MDFIC2: variants seen among roughly 807,000 people sequenced by gnomAD.
MDFIC2 encodes the protein MyoD family inhibitor domain containing 2, also known as myoD family inhibitor domain-containing protein 2.
intron 2 of MDFIC2, among the ~76,000 whole-genome samples, chr3:70,278,851 A>C (rs540058431): frequency 6.6e-6 from 1 of 152,070 alleles, no homozygotes; most frequent in East Asian, 1.9e-4. Flanking sequence ...CTCAAATCAA[A>C]GGGTTGTTGT....
At chr3:70,266,612 T>TTTA in intron 2 of MDFIC2, among the ~76,000 whole-genome samples, 1 of 152,056 alleles carries the variant, frequency 6.6e-6, no homozygotes, top group Non-Finnish European at 1.5e-5. Flanking sequence ...TTTTAATTTT[T>TTTA]TTATTTTTAT....
intron 2 of MDFIC2, among the ~76,000 whole-genome samples, chr3:70,275,468 T>G (rs1166810317): frequency 1.3e-5 from 2 of 152,176 alleles, no homozygotes; most frequent in African/African-American, 2.4e-5. Flanking sequence ...TGAGCAGTGA[T>G]CATGCCACTG....
rs1491108341 is a variant in MDFIC2 at position 70,250,409 on chromosome 3, T to TCACA, written c.89-43620_89-43619insTGTG. On this transcript the variant is annotated intron_variant, in intron 2 of 3. Transcript: ENST00000567252. ...TATTCGGTATTTTTCTTTTAATGAA[T>TCACA]CTCACACACACACACACACACACAC... 2.1e-3 allele frequency among the ~76,000 whole-genome samples: 261 copies of TCACA among 126,344 alleles called. 1 individual carries two copies. Among genetic ancestry groups the TCACA allele is most frequent in the African/African-American group, 6.1e-3 (200 of 32,578 alleles). The allele number at this position is 126,344 out of a possible 152,430, so 82.9% of individuals were successfully genotyped here. A position where few individuals can be genotyped will look rare whatever the true frequency, so the allele number is the denominator to read the frequency against.
intron 2 of MDFIC2, among the ~76,000 whole-genome samples, chr3:70,242,809 A>G (rs1701675332): frequency 6.6e-6 from 1 of 152,122 alleles, no homozygotes; most frequent in South Asian, 2.1e-4. Flanking sequence ...AGCATTGGTA[A>G]TCTAATTTTT....
chr3:70,222,572 G>T (rs928351677), intron 2 of MDFIC2, among the ~76,000 whole-genome samples: 1 of 152,102 alleles, frequency 6.6e-6, no homozygotes, highest in African/African-American at 2.4e-5. Context: ...AATTTGAAGA[G>T]ACTCAAAAGG....
chr3:70,302,668 T>C (rs978425760), intron 2 of MDFIC2: 2 of 152,176 alleles, frequency 1.3e-5, no homozygotes, highest in African/African-American at 2.4e-5. Flanking sequence ...TGTTACTTCA[T>C]AAAACTGCAA....
At chr3:70,256,121 A>G (rs895098226) in intron 2 of MDFIC2, among the ~76,000 whole-genome samples, 1 of 152,226 alleles carries the variant, frequency 6.6e-6, no homozygotes, top group Non-Finnish European at 1.5e-5. Flanking sequence ...ACAAGGTCAA[A>G]TGATTTTATC....
intron 3 of MDFIC2, chr3:70,205,561 T>G (rs1341410833): frequency 2.6e-5 from 4 of 151,874 alleles, no homozygotes; most frequent in African/African-American, 9.7e-5. Flanking sequence ...TATTTTTTTT[T>G]GATCCCCAAC....
chr3:70,258,445 T>G (rs867773426), intron 2 of MDFIC2, among the ~76,000 whole-genome samples: 1 of 151,674 alleles, frequency 6.6e-6, no homozygotes, highest in African/African-American at 2.4e-5. Context: ...GAGAGAGAGA[T>G]TTACTTACAT....
chr3:70,292,045 G>T (rs1037734321), intron 2 of MDFIC2: 2 of 152,080 alleles, frequency 1.3e-5, no homozygotes, highest in Non-Finnish European at 2.9e-5. Context: ...CCTTCAAGAA[G>T]GTAAACATGA....
At chr3:70,228,741 CTT>C (rs74503205) in intron 2 of MDFIC2, among the ~76,000 whole-genome samples, 6 of 133,432 alleles carry the variant, frequency 4.5e-5, no homozygotes, top group Admixed American at 7.6e-5. Context: ...TTTCATGAAT[CTT>C]TTTTTTTTTT....
At chr3:70,306,091 A>G (rs968469772) in intron 2 of MDFIC2, among the ~76,000 whole-genome samples, 9 of 152,126 alleles carry the variant, frequency 5.9e-5, no homozygotes, top group Admixed American at 5.9e-4. Flanking sequence ...ATTCACCTAA[A>G]TAATGGAGTT....
intron 2 of MDFIC2, among the ~76,000 whole-genome samples, chr3:70,243,623 G>A (rs533204037): frequency 1.1e-4 from 17 of 152,258 alleles, no homozygotes; most frequent in Admixed American, 2.6e-4. Context: ...ATTCTGGGTT[G>A]GGTGGCAGCG....
At chr3:70,245,692 T>C (rs1043625310) in intron 2 of MDFIC2, among the ~76,000 whole-genome samples, 4 of 135,766 alleles carry the variant, frequency 2.9e-5, no homozygotes, top group African/African-American at 5.3e-5. Context: ...TATATATATA[T>C]ATATATATAT....
intron 2 of MDFIC2, among the ~76,000 whole-genome samples, chr3:70,301,895 C>T (rs1007775867): frequency 3.9e-5 from 6 of 151,930 alleles, no homozygotes; most frequent in East Asian, 3.9e-4. Context: ...ATATTTGATA[C>T]GTGAAAGAGG....
chr3:70,235,043 A>T (rs1559541430), intron 2 of MDFIC2, among the ~76,000 whole-genome samples: 1 of 152,172 alleles, frequency 6.6e-6, no homozygotes, highest in Non-Finnish European at 1.5e-5. Flanking sequence ...AAGAGATTTT[A>T]TCAGTACGGT....
chr3:70,306,252 C>T (rs999914011), intron 2 of MDFIC2, among the ~76,000 whole-genome samples: 1 of 152,058 alleles, frequency 6.6e-6, no homozygotes, highest in African/African-American at 2.4e-5. Flanking sequence ...TACAGGCACT[C>T]GCCACCACAC....
intron 2 of MDFIC2, among the ~76,000 whole-genome samples, chr3:70,268,418 T>G (rs1318360464): frequency 7.2e-6 from 1 of 138,284 alleles, no homozygotes; most frequent in Non-Finnish European, 1.5e-5. Flanking sequence ...GAGGTGGCAG[T>G]GAGCAGAGAT....
At chr3:70,232,549 G>A (rs538635965) in intron 2 of MDFIC2, among the ~76,000 whole-genome samples, 2 of 151,830 alleles carry the variant, frequency 1.3e-5, no homozygotes, top group African/African-American at 2.4e-5. Context: ...ACAGGTGCCC[G>A]CCACCACGCC....
Sources: allele counts gnomAD v4.1 joint callset (sites outside exome capture counted in the v4.1 genomes callset), GRCh38; gene constraint gnomAD v4.1.1; transcripts MANE v1.5; gene names NCBI Gene and HGNC (gene_info 2026-07-23, HGNC 2026-07-21).